PCDHGA8: variants seen among roughly 807,000 people sequenced by gnomAD.
The protein encoded by PCDHGA8 is protocadherin gamma subfamily A, 8, also known as protocadherin gamma-A8.
In PCDHGA8, 45 loss-of-function variants were observed where a neutral mutation model predicts 59.2. That is an observed-to-expected ratio of 0.76 (90% CI 0.60 to 0.98). PCDHGA8 has a LOEUF of 0.98. Ranked by LOEUF, PCDHGA8 falls within the 50% of genes least tolerant of loss-of-function variation. PCDHGA8 has a pLI of 0.00. For missense variants in PCDHGA8, 1,257 were observed against 1,196.2 expected, an observed-to-expected ratio of 1.05 and a Z score of -0.75; for synonymous variants, 531 against 519.0, an observed-to-expected ratio of 1.02 and a Z score of -0.32.
chr5:141,488,054 A>G (rs1255295788), intron 1 of PCDHGA8, among the ~76,000 whole-genome samples: 1 of 152,206 alleles, frequency 6.6e-6, no homozygotes, highest in Admixed American at 6.5e-5. Flanking sequence ...TTGAGGGGAA[A>G]TAAAATCTTT....
intron 1 of PCDHGA8, chr5:141,420,995 C>T (rs1448491394): frequency 2.0e-6 from 1 of 503,150 alleles, no homozygotes; most frequent in East Asian, 3.3e-5. Flanking sequence ...CGCCGCTGCT[C>T]ACCAATCAGG....
chr5:141,422,370 T>G (rs2096643676), intron 1 of PCDHGA8: 1 of 1,566,604 alleles, frequency 6.4e-7, no homozygotes, highest in African/African-American at 1.4e-5. Flanking sequence ...GAGAAAATGG[T>G]CAAGTCTCCT....
At position 141,477,579 on chromosome 5, in the gene PCDHGA8, A is replaced by G. The variant is rs774773400; in HGVS notation, c.2425-17228A>G. The stretch of plus-strand genomic sequence containing the variant: ...AGTGTCTGGGACCCCGACGCCCCGC[A>G]GAATGCTCGGCTTTCTTTCTTTCTC... On this transcript the variant is annotated intron_variant, in intron 1 of 3. Coordinates refer to ENST00000398604, the MANE Select transcript of PCDHGA8 (RefSeq NM_032088.2). The surrounding 1 kb of genome is among the most constrained non-coding windows in gnomAD (Gnocchi z 4.9). The G allele has an allele frequency of 1.7e-5, 27 of 1,614,036 alleles. No individual in the cohort carries two copies. The highest frequency in any genetic ancestry group is 2.0e-5 in the Non-Finnish European group (24 of 1,180,036).
At chr5:141,406,371 C>T (rs893677721) in intron 1 of PCDHGA8, among the ~76,000 whole-genome samples, 1 of 152,154 alleles carries the variant, frequency 6.6e-6, no homozygotes, top group African/African-American at 2.4e-5. Context: ...TAAGGGTAAA[C>T]TGATAAAAAG....
rs553276457 is a variant in PCDHGA8 at position 141,480,179 on chromosome 5, G to A, written c.2425-14628G>A. Among the ~76,000 whole-genome samples, 10 of 152,058 alleles carry A rather than the reference G, an allele frequency of 6.6e-5. No individual in the cohort carries two copies. In the South Asian group the frequency reaches 8.3e-4, roughly 13 times the overall value. On this transcript the variant is annotated intron_variant, in intron 1 of 3. Transcript: ENST00000398604. ...AGCATTTTGGGAGGCTGAGGCAGGC[G>A]GATTGCTTGAGGCCAGCAGTTCAAG... is the stretch of plus-strand genomic sequence containing the variant.
intron 1 of PCDHGA8, among the ~76,000 whole-genome samples, chr5:141,458,201 T>C (rs973995736): frequency 6.6e-6 from 1 of 152,168 alleles, no homozygotes; most frequent in African/African-American, 2.4e-5. Context: ...AGGCCATAAA[T>C]AGTTTAAAAT....
chr5:141,443,317 CA>C (rs35054295), intron 1 of PCDHGA8, among the ~76,000 whole-genome samples: 28 of 142,048 alleles, frequency 2.0e-4, no homozygotes, highest in Non-Finnish European at 2.6e-4. Flanking sequence ...CCCATCTCTA[CA>C]AAAAAAAAAA....
At position 141,402,836 on chromosome 5, in the gene PCDHGA8, A is replaced by G. The variant is rs115293033; in HGVS notation, c.2424+7599A>G. 4.8e-4 allele frequency: 668 copies of G among 1,379,778 alleles called. 2 individuals are homozygous for G. The African/African-American group carries it at 8.5e-3, about 18-fold the overall frequency. 85.5% of individuals were successfully genotyped at this position (1,379,778 alleles called of 1,614,324 possible). On this transcript the variant is annotated intron_variant, in intron 1 of 3. Coordinates refer to ENST00000398604, the MANE Select transcript of PCDHGA8 (RefSeq NM_032088.2). ...ACAAACCTGCTCCCAGGCTGCAGCA[A>G]AACTCAGCCTCTTTCTTCTAAGGAA...
chr5:141,393,073 C>T lies in PCDHGA8; in HGVS notation c.260C>T (p.Ala87Val). Residue 87 changes from alanine to valine, a missense_variant, in exon 1 of 4, where the codon GCG (alanine) becomes GTG (valine). Coordinates refer to ENST00000398604, the MANE Select transcript of PCDHGA8 (RefSeq NM_032088.2). The part of the protein sequence containing the change: ...LNPRSGSLIT[A>V]GRIDREELCA... The stretch of plus-strand genomic sequence containing the variant: ...CCGCGCAGCGGCAGCTTGATCACCG[C>T]GGGCAGGATAGATCGGGAGGAGCTC... 6.2e-7 allele frequency: 1 copy of T among 1,613,658 alleles called. No homozygotes were observed.
chr5:141,507,202 C>G (rs2099859138), intron 3 of PCDHGA8: 1 of 152,356 alleles, frequency 6.6e-6, no homozygotes, highest in Non-Finnish European at 1.5e-5. Flanking sequence ...TCTTCCAGAT[C>G]AGGGTTGCCA....
chr5:141,425,943 C>T (rs2096904576), intron 1 of PCDHGA8, among the ~76,000 whole-genome samples: 1 of 152,220 alleles, frequency 6.6e-6, no homozygotes, highest in African/African-American at 2.4e-5. Flanking sequence ...TGTCTAGTTT[C>T]CTATACATTA....
At position 141,393,124 on chromosome 5, in the gene PCDHGA8, T is replaced by A; in HGVS notation, c.311T>A (p.Ile104Lys). 6.2e-7 allele frequency: 1 copy of A among 1,613,430 alleles called. No individual in the cohort carries two copies. Among genetic ancestry groups the A allele is most frequent in the Non-Finnish European group, 8.5e-7 (1 of 1,179,884 alleles). The change falls in exon 1 of 4, where the codon ATA becomes AAA. Residue 104 changes from isoleucine to lysine, a missense_variant. By Grantham distance (102) the Ile-to-Lys change is moderately radical. Coordinates refer to ENST00000398604, the MANE Select transcript of PCDHGA8 (RefSeq NM_032088.2). ...ELCAQSPRCL[I>K]NINTLVEDKG... The stretch of plus-strand genomic sequence containing the variant: ...TGCGCTCAGAGCCCGCGGTGTCTGA[T>A]AAATATTAACACCCTGGTTGAGGAT...
chr5:141,393,512 G>A lies in PCDHGA8; in HGVS notation c.699G>A (p.Leu233=). The A allele has an allele frequency of 6.2e-7, 1 of 1,613,996 alleles. No individual in the cohort carries two copies. Among genetic ancestry groups the A allele is most frequent in the Non-Finnish European group, 8.5e-7 (1 of 1,179,906 alleles). The stretch of plus-strand genomic sequence containing the variant: ...CAGTGCGCATCCACGTGACAGTGTT[G>A]GATACAAATGACAATGCCCCGGTTT... The part of the protein sequence containing the change: ...SSTVRIHVTV[L]DTNDNAPVFP... The change falls in exon 1 of 4, where the codon TTG becomes TTA. Residue 233 remains leucine, a synonymous_variant. Coordinates refer to ENST00000398604, the MANE Select transcript of PCDHGA8 (RefSeq NM_032088.2).
intron 2 of PCDHGA8, among the ~76,000 whole-genome samples, chr5:141,496,592 T>G (rs948403662): frequency 6.6e-6 from 1 of 152,136 alleles, no homozygotes; most frequent in African/African-American, 2.4e-5. Context: ...GCAAAGCGCT[T>G]CTTAGAAGGC....
At chr5:141,405,188 G>T (rs2094622261) in intron 1 of PCDHGA8, 1 of 1,613,954 alleles carries the variant, frequency 6.2e-7, no homozygotes, top group African/African-American at 1.3e-5. Context: ...TGTAGATGGG[G>T]TTCGAGCTTT....
rs753358324 is a variant in PCDHGA8, at chr5:141,487,328, G to A, written c.2425-7479G>A. On this transcript the variant is annotated intron_variant, in intron 1 of 3. Transcript: ENST00000398604. This position sits in a 1 kb window ranked among gnomAD's most constrained non-coding sequence, Gnocchi z 5.0. ...ACTACTCTCTAAGTGTCTTCGTGGG[G>A]CAGCCTGTGGAGTCACATGCTTTCC... 1.2e-6 allele frequency: 2 copies of A among 1,613,962 alleles called. No individual in the cohort carries two copies. The highest frequency in any genetic ancestry group is 2.2e-5 in the East Asian group (1 of 44,874).
At chr5:141,430,950 TC>T (rs1353555538) in intron 1 of PCDHGA8, 1 of 1,609,980 alleles carries the variant, frequency 6.2e-7, no homozygotes, top group East Asian at 2.2e-5. Flanking sequence ...GAGCGCGGAG[TC>T]CGCATCATCC....
At chr5:141,422,888 T>C in intron 1 of PCDHGA8, 2 of 1,614,262 alleles carry the variant, frequency 1.2e-6, no homozygotes, top group South Asian at 2.2e-5. Flanking sequence ...CTGTTCGTGC[T>C]GGACCAGAAC....
chr5:141,393,482 T>G lies in PCDHGA8; in HGVS notation c.669T>G (p.Ser223=), dbSNP rs116240246. The stretch of plus-strand genomic sequence containing the variant: ...CGGATGGCGGCAAGCCGCCTCGCTC[T>G]AGCACAGTGCGCATCCACGTGACAG... The part of the protein sequence containing the change: ...TASDGGKPPR[S]STVRIHVTVL... The change falls in exon 1 of 4, where the codon TCT becomes TCG. Residue 223 remains serine (S), a synonymous_variant. Coordinates refer to ENST00000398604, the MANE Select transcript of PCDHGA8 (RefSeq NM_032088.2). 4.3e-6 allele frequency: 7 copies of G among 1,614,070 alleles called. No individual in the cohort carries two copies. The highest frequency in any genetic ancestry group is 1.6e-4 in the Middle Eastern group (1 of 6,062).
Sources: gnomAD v4.1 joint callset for allele counts (sites outside exome capture counted in the v4.1 genomes callset) on GRCh38, gnomAD v4.1.1 for gene constraint, Gnocchi (gnomAD v3.1) non-coding constraint, MANE v1.5 for transcripts, NCBI Gene and HGNC (gene_info 2026-07-23, HGNC 2026-07-21) for gene names.